The following THSD7A variants were observed in gnomAD, a reference collection of about 807,000 sequenced individuals.
THSD7A encodes the protein thrombospondin type-1 domain-containing protein 7A.
THSD7A carries 96 observed loss-of-function variants against 231.3 expected under a neutral mutation model. That is an observed-to-expected ratio of 0.41 (90% CI 0.35 to 0.49). The LOEUF is 0.49. THSD7A is among the 20% of genes least tolerant of loss of function. The pLI is 0.05. For missense variants in THSD7A, 2,290 were observed against 2,070.2 expected, an observed-to-expected ratio of 1.11 and a Z score of -2.06; for synonymous variants, 940 against 743.3, an observed-to-expected ratio of 1.26 and a Z score of -4.30.
chr7:11,696,414 A>T (rs1018664261), intron 1 of THSD7A, among the ~76,000 whole-genome samples: 2 of 151,560 alleles, frequency 1.3e-5, no homozygotes, highest in Non-Finnish European at 3.0e-5. Flanking sequence ...AACTCTTAAA[A>T]TTTTTGTTTG....
intron 1 of THSD7A, among the ~76,000 whole-genome samples, chr7:11,693,123 A>G (rs1033997351): frequency 1.3e-5 from 2 of 151,588 alleles, no homozygotes; most frequent in Non-Finnish European, 3.0e-5. Flanking sequence ...TTGTCCCTAA[A>G]CTTTTCAGGA....
chr7:11,733,325 A>G (rs1479702932), intron 1 of THSD7A, among the ~76,000 whole-genome samples: 1 of 151,806 alleles, frequency 6.6e-6, no homozygotes, highest in East Asian at 1.9e-4. Flanking sequence ...TTACATCTTG[A>G]TTTATATACA....
At chr7:11,413,340 C>T (rs979045984) in intron 17 of THSD7A, among the ~76,000 whole-genome samples, 2 of 150,832 alleles carry the variant, frequency 1.3e-5, no homozygotes, top group Non-Finnish European at 3.0e-5. Flanking sequence ...CAAATGGACC[C>T]CCTCTTGGCC....
intron 6 of THSD7A, among the ~76,000 whole-genome samples, chr7:11,532,842 A>G (rs566474793): frequency 6.6e-6 from 1 of 152,342 alleles, no homozygotes; most frequent in Non-Finnish European, 1.5e-5. Context: ...GCTGTTATAA[A>G]ATGAAAAAAT....
intron 1 of THSD7A, among the ~76,000 whole-genome samples, chr7:11,794,632 T>C (rs58325377): frequency 0.17 from 25,222 of 151,904 alleles, 2,232 homozygotes; most frequent in South Asian, 0.27. Flanking sequence ...GCTTGCTTAA[T>C]TTTCCAGTAA....
intron 1 of THSD7A, among the ~76,000 whole-genome samples, chr7:11,769,151 A>ATTTTTTTCTTTTTTTTTT (rs1422492872): frequency 2.8e-5 from 1 of 35,490 alleles, no homozygotes; most frequent in Non-Finnish European, 6.0e-5. Context: ...ATATATATAT[A>ATTTTTTTCTTTTTTTTTT]TATTTTTTTT....
intron 9 of THSD7A, among the ~76,000 whole-genome samples, chr7:11,466,909 C>T (rs1583795597): frequency 1.3e-5 from 2 of 152,202 alleles, no homozygotes; most frequent in African/African-American, 4.8e-5. Context: ...ACCCATTATG[C>T]CTCACATGCC....
chr7:11,527,610 G>A (rs748420082), intron 6 of THSD7A, among the ~76,000 whole-genome samples: 8 of 151,496 alleles, frequency 5.3e-5, no homozygotes, highest in Admixed American at 2.6e-4. Flanking sequence ...GAAAAGCCAC[G>A]TTAGATCCTT....
chr7:11,396,121 A>T lies in THSD7A; in HGVS notation c.4411+5674T>A, dbSNP rs10237065. Among the ~76,000 whole-genome samples the T allele has an allele frequency of 8.7e-3, 1,324 of 152,362 alleles. 26 individuals are homozygous for T. Among genetic ancestry groups the T allele is most frequent in the African/African-American group, 0.03 (1,246 of 41,582 alleles). On this transcript the variant is annotated intron_variant, in intron 23 of 27. Transcript: ENST00000423059. The stretch of plus-strand genomic sequence containing the variant: ...AATGAGTTCAAAGACACAACATACC[A>T]GAATCTCTGGCACACAGCTAAAACT...
At chr7:11,595,225 G>A (rs1311393311) in intron 2 of THSD7A, among the ~76,000 whole-genome samples, 2 of 152,196 alleles carry the variant, frequency 1.3e-5, no homozygotes, top group Non-Finnish European at 2.9e-5. Flanking sequence ...AGTCCTGGCA[G>A]GCCCCTAGAG....
intron 3 of THSD7A, 139 bp downstream of exon 3, chr7:11,593,115 A>G (rs1259422409): frequency 2.6e-6 from 3 of 1,171,236 alleles, no homozygotes; most frequent in African/African-American, 3.1e-5. Flanking sequence ...CTGTAAAAAA[A>G]GTTTTTTTTA....
chr7:11,660,162 C>T (rs75765620), intron 1 of THSD7A, among the ~76,000 whole-genome samples: 9,183 of 151,490 alleles, frequency 0.061, 311 homozygotes, highest in East Asian at 0.14. Flanking sequence ...AATTTACAAA[C>T]TCATTTCTGC....
chr7:11,420,857 C>T (rs751826861), intron 16 of THSD7A, among the ~76,000 whole-genome samples: 2 of 152,034 alleles, frequency 1.3e-5, no homozygotes, highest in African/African-American at 2.4e-5. Flanking sequence ...ATGTGAGACA[C>T]AGAGTCAAAG....
chr7:11,577,358 C>A (rs965730503), intron 4 of THSD7A, among the ~76,000 whole-genome samples: 3 of 151,962 alleles, frequency 2.0e-5, no homozygotes, highest in Non-Finnish European at 2.9e-5. Context: ...GCTCTGTCAC[C>A]CAGGCTGGAG....
rs1459964687 is a variant in THSD7A at position 11,637,509 on chromosome 7, G to A, written c.191-548C>T. 6.6e-6 allele frequency among the ~76,000 whole-genome samples: 1 copy of A among 152,158 alleles called. No homozygotes were observed. The highest frequency in any genetic ancestry group is 1.5e-5 in the Non-Finnish European group (1 of 68,042). On this transcript the variant is annotated intron_variant, in intron 1 of 27. Transcript: ENST00000423059. The surrounding 1 kb of genome is among the most constrained non-coding windows in gnomAD (Gnocchi z 4.2). Reference sequence around the variant, plus strand: ...ATCATGTGTGCCACTAGAGCTTAAAGTGTTCACTCTCTGGTTATCAAAACT... The same window carrying A: ...ATCATGTGTGCCACTAGAGCTTAAAATGTTCACTCTCTGGTTATCAAAACT...
intron 1 of THSD7A, among the ~76,000 whole-genome samples, chr7:11,638,733 A>T (rs1236983128): frequency 6.6e-6 from 1 of 152,120 alleles, no homozygotes; most frequent in African/African-American, 2.4e-5. Context: ...GGAGACTGGG[A>T]AACAGTCTCC....
At chr7:11,555,286 AT>A (rs2128327539) in intron 4 of THSD7A, among the ~76,000 whole-genome samples, 1 of 151,772 alleles carries the variant, frequency 6.6e-6, no homozygotes, top group East Asian at 1.9e-4. Context: ...ATTTTGATAT[AT>A]TTTCTTTTCA....
intron 6 of THSD7A, among the ~76,000 whole-genome samples, chr7:11,541,146 A>C (rs1789130049): frequency 1.3e-5 from 2 of 152,206 alleles, no homozygotes; most frequent in African/African-American, 4.8e-5. Context: ...TTATTGCCCT[A>C]ATGATAATTC....
At chr7:11,485,417 G>A (rs1786613015) in intron 6 of THSD7A, among the ~76,000 whole-genome samples, 1 of 152,172 alleles carries the variant, frequency 6.6e-6, no homozygotes, top group Non-Finnish European at 1.5e-5. Context: ...ATCCATGGCT[G>A]AAAACATTTA....
Sources: allele counts gnomAD v4.1 joint callset (sites outside exome capture counted in the v4.1 genomes callset), GRCh38; gene constraint gnomAD v4.1.1; non-coding constraint Gnocchi (gnomAD v3.1); transcripts MANE v1.5; gene names NCBI Gene and HGNC (gene_info 2026-07-23, HGNC 2026-07-21).